The following ANK3 variants were observed in gnomAD, a reference collection of about 807,000 sequenced individuals.
ANK3 encodes the protein ankyrin-3.
In ANK3, 57 loss-of-function variants were observed where a neutral mutation model predicts 370.9. The observed-to-expected ratio is 0.15, with a 90% confidence interval of 0.12 to 0.19. The LOEUF (loss-of-function observed/expected upper bound fraction) is 0.19, where lower values mean the gene tolerates loss of function less well. Among genes scored for constraint, ANK3 ranks in the 10% least tolerant of loss-of-function variants. The probability of loss-of-function intolerance (pLI) is 1.00; values close to 1 mark genes in which losing one functional copy is unlikely to be tolerated. For missense variants in ANK3, 4,439 were observed against 5,302.1 expected (o/e 0.84, Z 5.06); for synonymous variants, 1,929 against 1,946.3 (o/e 0.99, Z 0.23).
upstream of ANK3, among the ~76,000 whole-genome samples, chr10:60,391,477 C>A (rs2063094025): frequency 6.6e-6 from 1 of 152,098 alleles, no homozygotes; most frequent in African/African-American, 2.4e-5. Context: ...ACAGCTGGGG[C>A]AGAGTAAAAA....
At chr10:60,036,525 T>C (rs1332516314) in intron 43 of ANK3, among the ~76,000 whole-genome samples, 14 of 133,898 alleles carry the variant, frequency 1.0e-4, no homozygotes, top group Non-Finnish European at 2.2e-4. Context: ...AAGCTCCACC[T>C]CCCAGGTTCA....
At chr10:60,456,139 C>T (rs781384856) in intron 2 of ANK3, among the ~76,000 whole-genome samples, 9 of 152,210 alleles carry the variant, frequency 5.9e-5, no homozygotes, top group East Asian at 1.9e-4. Flanking sequence ...GTGGAAGATA[C>T]CTGCCGTGGG....
chr10:60,279,523 A>G lies in ANK3; in HGVS notation c.216+15T>C, dbSNP rs755864009. ...AGAATTTTAAGTAAAAAATTCAATA[A>G]TAACTCCAGCTAACCTGATTGCAAA... On this transcript the variant is annotated intron_variant, in intron 2 of 43. Transcript: ENST00000280772. 2.0e-5 allele frequency: 31 copies of G among 1,574,302 alleles called. No homozygotes were observed. The highest frequency in any genetic ancestry group is 2.7e-5 in the Non-Finnish European group (31 of 1,163,316).
chr10:60,157,336 T>A (rs796653354), intron 23 of ANK3, among the ~76,000 whole-genome samples: 1 of 91,384 alleles, frequency 1.1e-5, no homozygotes, highest in Non-Finnish European at 2.2e-5. Context: ...TGTGCCCGGC[T>A]TTTTTTTTTT....
chr10:60,340,157 A>G (rs1310088589), intron 1 of ANK3, among the ~76,000 whole-genome samples: 1 of 152,096 alleles, frequency 6.6e-6, no homozygotes, highest in Non-Finnish European at 1.5e-5. Flanking sequence ...CCTAGGCAGA[A>G]CCTCTGAGGG....
rs79856132 is a variant in ANK3, at chr10:60,124,612, G to T, written c.2841+9659C>A. 5.6e-3 allele frequency among the ~76,000 whole-genome samples: 854 copies of T among 152,306 alleles called. 6 individuals carry two copies. Among genetic ancestry groups the T allele is most frequent in the African/African-American group, 0.019 (803 of 41,546 alleles). ...GTCAGAGCTGCCTGCTGGATTAACA[G>T]AAATAATAGTGGTGTTTTTGCTTTG... On this transcript the variant is annotated intron_variant, in intron 25 of 43. Coordinates refer to ENST00000280772, the MANE Select transcript of ANK3 (RefSeq NM_020987.5).
intron 1 of ANK3, among the ~76,000 whole-genome samples, chr10:60,630,551 A>G (rs957233104): frequency 1.3e-5 from 2 of 152,206 alleles, no homozygotes; most frequent in South Asian, 4.1e-4. Flanking sequence ...TGAAGTGATT[A>G]GAGGATTCTT....
intron 43 of ANK3, among the ~76,000 whole-genome samples, chr10:60,040,951 T>A (rs575790904): frequency 1.3e-5 from 2 of 152,216 alleles, no homozygotes; most frequent in African/African-American, 2.4e-5. Flanking sequence ...GGATCTGCTA[T>A]AGGGAGAAGT....
At chr10:60,077,131 C>T (rs1052292436) in intron 36 of ANK3, among the ~76,000 whole-genome samples, 1 of 152,106 alleles carries the variant, frequency 6.6e-6, no homozygotes, top group African/African-American at 2.4e-5. Flanking sequence ...ATGCACAGTT[C>T]GGTTATGCTT....
chr10:60,176,748 A>C (rs1266638221), intron 18 of ANK3, among the ~76,000 whole-genome samples: 3 of 152,074 alleles, frequency 2.0e-5, no homozygotes, highest in Non-Finnish European at 4.4e-5. Context: ...GACAAGAGCG[A>C]AACTTCGTCT....
intron 9 of ANK3, among the ~76,000 whole-genome samples, chr10:60,209,268 A>G (rs1351393984): frequency 1.3e-5 from 2 of 152,226 alleles, no homozygotes; most frequent in African/African-American, 4.8e-5. Flanking sequence ...AAAAATTGTC[A>G]TCAATGAATT....
chr10:60,561,540 G>A (rs1005975411), intron 2 of ANK3, among the ~76,000 whole-genome samples: 4 of 152,162 alleles, frequency 2.6e-5, no homozygotes, highest in Non-Finnish European at 4.4e-5. Context: ...TACTGTTCAG[G>A]TATCATGTAT....
At chr10:60,668,806 AG>A (rs950100985) in intron 1 of ANK3, among the ~76,000 whole-genome samples, 1 of 152,154 alleles carries the variant, frequency 6.6e-6, no homozygotes, top group African/African-American at 2.4e-5. Flanking sequence ...AGCCTGGCCA[AG>A]ACGGTGAAAC....
Position 60,071,306 on chromosome 10 carries a change from T to G in ANK3, c.9575A>C (p.Tyr3192Ser). Residue 3192 changes from tyrosine to serine, a missense_variant, in exon 37 of 44, where the codon TAT becomes TCT. By Grantham distance (144) the Tyr-to-Ser change is moderately radical. Transcript: ENST00000280772. The stretch of plus-strand genomic sequence containing the variant: ...AATTGGGCTGGGTTTGCCTGGTATA[T>G]AAGCTATGAGCGAGTCAGGTGTCTT... Reference protein sequence around the residue: ...TSKTPDSLIAYIPGKPSPIPE... With the variant: ...TSKTPDSLIASIPGKPSPIPE... The G allele has an allele frequency of 6.2e-7, 1 of 1,614,138 alleles. No homozygotes were observed. The highest frequency in any genetic ancestry group is 1.3e-5 in the African/African-American group (1 of 75,044).
At chr10:60,348,369 A>ACACACAC (rs556542618) in intron 1 of ANK3, among the ~76,000 whole-genome samples, 7 of 128,052 alleles carry the variant, frequency 5.5e-5, no homozygotes, top group East Asian at 4.8e-4. Flanking sequence ...AAAAAAAAAA[A>ACACACAC]ACACAAAAAA....
In ANK3 at chr10:60,494,075, G is replaced by A. The variant is rs137932093; in HGVS notation, c.96+121111C>T. 9.2e-4 allele frequency among the ~76,000 whole-genome samples: 140 copies of A among 152,266 alleles called. 3 individuals are homozygous for A. The East Asian group carries it at 0.015, about 17-fold the overall frequency. ...GAATTTTTCTTTGTTTATAGAAACA[G>A]AAAAAACCTGACCTTTAGTGAAATT... On this transcript the variant is annotated intron_variant, in intron 2 of 43. Coordinates refer to the ANK3 transcript ENST00000373827.
At chr10:60,181,243 T>C (rs1258037462) in intron 18 of ANK3, 86 bp downstream of exon 18, 3 of 1,156,648 alleles carry the variant, frequency 2.6e-6, no homozygotes, top group Non-Finnish European at 3.9e-6. Flanking sequence ...AAAGGGTTTG[T>C]TCTCCTGATA....
chr10:60,336,552 G>A (rs945560975), intron 1 of ANK3, among the ~76,000 whole-genome samples: 7 of 150,856 alleles, frequency 4.6e-5, no homozygotes, highest in African/African-American at 1.7e-4. Context: ...TTCGGGTATG[G>A]TGGAATCTGG....
At chr10:60,534,495 A>AT (rs2076679265) in intron 2 of ANK3, among the ~76,000 whole-genome samples, 1 of 151,968 alleles carries the variant, frequency 6.6e-6, no homozygotes. Context: ...GGATATATAT[A>AT]TTTTTTCTAA....
Sources: gnomAD v4.1 joint callset for allele counts (sites outside exome capture counted in the v4.1 genomes callset) on GRCh38, gnomAD v4.1.1 for gene constraint, MANE v1.5 for transcripts, NCBI Gene and HGNC (gene_info 2026-07-23, HGNC 2026-07-21) for gene names.